Variants in KAZN observed in about 807,000 individuals in gnomAD.
The protein encoded by KAZN is kazrin, periplakin interacting protein.
A neutral mutation model predicts 87.4 loss-of-function variants in KAZN; 40 were observed. The observed-to-expected ratio is 0.46, with a 90% CI of 0.36 to 0.60. The LOEUF is 0.60. KAZN is among the 20% of genes least tolerant of loss of function. KAZN has a pLI of 0.00. For missense variants in KAZN, 898 were observed against 1,073.9 expected (o/e 0.84, Z 2.29); for synonymous variants, 466 against 458.3 (o/e 1.02, Z -0.22).
intron 2 of KAZN, among the ~76,000 whole-genome samples, chr1:14,394,241 G>A (rs1039991243): frequency 6.6e-6 from 1 of 152,238 alleles, no homozygotes; most frequent in African/African-American, 2.4e-5. Context: ...CATTAAGATG[G>A]CATGTGATCT....
At chr1:13,982,650 C>T (rs12029463) in intron 1 of KAZN, among the ~76,000 whole-genome samples, 20,910 of 152,150 alleles carry the variant, frequency 0.14, 1,570 homozygotes, top group Middle Eastern at 0.2. Flanking sequence ...TGACAGGGCG[C>T]TGATTGGTGC....
chr1:14,197,408 G>T (rs61771828), intron 2 of KAZN, among the ~76,000 whole-genome samples: 2 of 133,078 alleles, frequency 1.5e-5, no homozygotes, highest in South Asian at 2.3e-4. Flanking sequence ...AAAAAAAAAG[G>T]CCAGTCAAGG....
chr1:14,863,940 G>A (rs1651158201), intron 1 of KAZN, among the ~76,000 whole-genome samples: 2 of 152,198 alleles, frequency 1.3e-5, no homozygotes, highest in Admixed American at 1.3e-4. Flanking sequence ...GGGGGGATGT[G>A]CAGCTGAAAG....
At chr1:13,952,843 A>G (rs1350397080) in intron 1 of KAZN, among the ~76,000 whole-genome samples, 1 of 152,202 alleles carries the variant, frequency 6.6e-6, no homozygotes, top group Non-Finnish European at 1.5e-5. Flanking sequence ...GGATGTCCCT[A>G]TCCCTCTCTG....
At chr1:14,787,114 G>A (rs532791501) in intron 1 of KAZN, among the ~76,000 whole-genome samples, 1 of 152,308 alleles carries the variant, frequency 6.6e-6, no homozygotes, top group South Asian at 2.1e-4. Context: ...TTAACTTGGA[G>A]CTTTGATTCT....
chr1:14,382,863 T>C (rs1024950347), intron 2 of KAZN, among the ~76,000 whole-genome samples: 1 of 152,012 alleles, frequency 6.6e-6, no homozygotes, highest in African/African-American at 2.4e-5. Context: ...CAAATGGTGT[T>C]TCTAGTTCTA....
At chr1:14,646,959 C>T (rs146454615) in intron 1 of KAZN, among the ~76,000 whole-genome samples, 44 of 152,302 alleles carry the variant, frequency 2.9e-4, no homozygotes, top group African/African-American at 1.0e-3. Context: ...TGCTCCAGCA[C>T]GTGGATGGGG....
At chr1:14,402,150 G>A (rs1444150523) in intron 2 of KAZN, among the ~76,000 whole-genome samples, 2 of 150,016 alleles carry the variant, frequency 1.3e-5, no homozygotes, top group African/African-American at 4.9e-5. Context: ...AAAGTCCAAT[G>A]ACTTTTAGTT....
chr1:14,508,453 A>G (rs747257775), intron 2 of KAZN, among the ~76,000 whole-genome samples: 1 of 152,220 alleles, frequency 6.6e-6, no homozygotes, highest in Non-Finnish European at 1.5e-5. Context: ...CACCAAAGTT[A>G]AAAATATAAT....
intron 1 of KAZN, among the ~76,000 whole-genome samples, chr1:14,623,683 C>T (rs561838188): frequency 6.6e-6 from 1 of 152,262 alleles, no homozygotes; most frequent in African/African-American, 2.4e-5. Flanking sequence ...GTGTTTAGTG[C>T]CATGAAATTT....
chr1:15,090,573 A>T (rs1310346162), intron 8 of KAZN, among the ~76,000 whole-genome samples: 1 of 152,252 alleles, frequency 6.6e-6, no homozygotes, highest in South Asian at 2.1e-4. Context: ...CTGCAGAGGC[A>T]GCTGCTGCCG....
intron 2 of KAZN, among the ~76,000 whole-genome samples, chr1:14,302,735 T>C (rs893566610): frequency 3.3e-4 from 50 of 152,180 alleles, no homozygotes; most frequent in Non-Finnish European, 4.4e-5. Flanking sequence ...AGACAGCTAC[T>C]CATAGGTGCT....
intron 1 of KAZN, among the ~76,000 whole-genome samples, chr1:14,944,053 G>A (rs1572888427): frequency 1.3e-5 from 2 of 152,156 alleles, no homozygotes; most frequent in African/African-American, 2.4e-5. Context: ...CAGCCTGGGT[G>A]ACAGAAAGAG....
chr1:14,124,258 G>C (rs976950946), intron 1 of KAZN: 6 of 152,162 alleles, frequency 3.9e-5, no homozygotes, highest in Non-Finnish European at 7.3e-5. Flanking sequence ...TTCACGAATT[G>C]GTGTAACATT....
chr1:14,458,786 T>C (rs2148345449), intron 2 of KAZN, among the ~76,000 whole-genome samples: 1 of 152,322 alleles, frequency 6.6e-6, no homozygotes, highest in Admixed American at 6.5e-5. Context: ...GTGCCCATGA[T>C]GGGATATTTT....
intron 2 of KAZN, among the ~76,000 whole-genome samples, chr1:14,376,520 C>T (rs1236690910): frequency 1.3e-5 from 2 of 152,118 alleles, no homozygotes; most frequent in East Asian, 3.9e-4. Context: ...AGCACAAAGG[C>T]CTTCACCAGA....
At chr1:14,256,594 G>A (rs1650532801) in intron 2 of KAZN, among the ~76,000 whole-genome samples, 1 of 152,090 alleles carries the variant, frequency 6.6e-6, no homozygotes. Context: ...AAAAATGGCA[G>A]AGGAAATTGC....
chr1:14,953,750 C>T (rs981546397), intron 1 of KAZN, among the ~76,000 whole-genome samples: 5 of 152,074 alleles, frequency 3.3e-5, no homozygotes, highest in Non-Finnish European at 5.9e-5. Context: ...TCTGAGAGGT[C>T]GCCTTCTGTT....
intron 2 of KAZN, among the ~76,000 whole-genome samples, chr1:14,439,118 A>G (rs1387222247): frequency 6.6e-6 from 1 of 152,140 alleles, no homozygotes; most frequent in African/African-American, 2.4e-5. Context: ...AAAATATCCA[A>G]AACTGAACTC....
Sources: allele counts gnomAD v4.1 joint callset (sites outside exome capture counted in the v4.1 genomes callset), GRCh38; gene constraint gnomAD v4.1.1; transcripts MANE v1.5; gene names NCBI Gene and HGNC (gene_info 2026-07-23, HGNC 2026-07-21).